Variants in DLC1 observed in about 807,000 individuals in gnomAD.
The protein encoded by DLC1 is DLC1 Rho GTPase activating protein, also known as rho GTPase-activating protein 7.
In DLC1, 54 loss-of-function variants were observed where a neutral mutation model predicts 140.3. The observed-to-expected ratio is 0.38, with a 90% CI of 0.31 to 0.48. DLC1 has a LOEUF of 0.48. DLC1 is among the 20% of genes least tolerant of loss of function. The pLI is 0.96. For synonymous variants in DLC1, 986 were observed against 728.1 expected (o/e 1.35, Z -5.70); for missense variants, 2,536 against 1,907.0 (o/e 1.33, Z -6.14).
chr8:13,350,631 G>A (rs570966676), intron 4 of DLC1, among the ~76,000 whole-genome samples: 18 of 152,038 alleles, frequency 1.2e-4, no homozygotes, highest in Non-Finnish European at 2.2e-4. Flanking sequence ...CAGGAAAATC[G>A]CTTGAACCAG....
chr8:13,565,009 C>T (rs1315407142), intron 1 of DLC1, among the ~76,000 whole-genome samples: 3 of 152,134 alleles, frequency 2.0e-5, no homozygotes. Context: ...CAAAGGAAAA[C>T]TATTACTCTT....
chr8:13,418,713 A>G (rs1838183713), intron 2 of DLC1, among the ~76,000 whole-genome samples: 2 of 152,140 alleles, frequency 1.3e-5, no homozygotes, highest in Admixed American at 6.6e-5. Context: ...TTTTGGTTCC[A>G]TATGAACTTT....
intron 5 of DLC1, among the ~76,000 whole-genome samples, chr8:13,120,435 T>C (rs947766843): frequency 2.0e-5 from 3 of 148,574 alleles, no homozygotes; most frequent in Admixed American, 6.8e-5. Context: ...ATCTAAAATA[T>C]TACTGAAAAC....
chr8:13,380,439 A>G (rs924959592), intron 4 of DLC1, among the ~76,000 whole-genome samples: 1 of 152,196 alleles, frequency 6.6e-6, no homozygotes, highest in Non-Finnish European at 1.5e-5. Flanking sequence ...CCATTGTTTA[A>G]TATTCCCCTT....
At chr8:13,559,750 A>G (rs1264980527) in intron 1 of DLC1, among the ~76,000 whole-genome samples, 1 of 152,190 alleles carries the variant, frequency 6.6e-6, no homozygotes, top group Admixed American at 6.5e-5. Flanking sequence ...GAAAACACAA[A>G]AGTATGTAAC....
chr8:13,313,480 A>G (rs1271503810), intron 4 of DLC1, among the ~76,000 whole-genome samples: 4 of 152,110 alleles, frequency 2.6e-5, no homozygotes, highest in Non-Finnish European at 5.9e-5. Context: ...GAGCTCAGTG[A>G]GATAGGGGTA....
chr8:13,584,932 C>G lies in DLC1; in HGVS notation c.-126+19605G>C, dbSNP rs80228449. On this transcript the variant is annotated intron_variant, in intron 1 of 1. Coordinates refer to the DLC1 transcript ENST00000631382. Reference sequence around the variant, plus strand: ...TCCCCTCTTAATAAATCTCTTACACCTCTAATCCCATTTTAGCTTCTGCAT... The same window carrying G: ...TCCCCTCTTAATAAATCTCTTACACGTCTAATCCCATTTTAGCTTCTGCAT... Among the ~76,000 whole-genome samples the G allele has an allele frequency of 8.0e-3, 1,224 of 152,244 alleles. 19 individuals carry two copies. The highest frequency in any genetic ancestry group is 0.028 in the African/African-American group (1,164 of 41,530).
chr8:13,497,452 T>C (rs1287673424), intron 2 of DLC1, among the ~76,000 whole-genome samples: 2 of 152,210 alleles, frequency 1.3e-5, no homozygotes, highest in Non-Finnish European at 2.9e-5. Context: ...CACAACACTT[T>C]AGAATGACAG....
intron 5 of DLC1, among the ~76,000 whole-genome samples, chr8:13,150,558 G>A (rs761575876): frequency 7.9e-5 from 12 of 152,182 alleles, no homozygotes; most frequent in Non-Finnish European, 1.8e-4. Flanking sequence ...AGAAGCCTGC[G>A]ATGGCTTTAA....
intron 1 of DLC1, among the ~76,000 whole-genome samples, chr8:13,597,281 C>T (rs1438018615): frequency 1.3e-5 from 2 of 151,966 alleles, no homozygotes; most frequent in Non-Finnish European, 2.9e-5. Flanking sequence ...TGACATTGGA[C>T]AATTTTGAAG....
intron 5 of DLC1, among the ~76,000 whole-genome samples, chr8:13,169,080 C>A (rs1185581681): frequency 1.3e-5 from 2 of 152,122 alleles, no homozygotes; most frequent in Non-Finnish European, 2.9e-5. Context: ...TCATCTTCAC[C>A]TTGTTATGGA....
At chr8:13,512,247 A>T (rs535730478) in intron 1 of DLC1, among the ~76,000 whole-genome samples, 9 of 152,230 alleles carry the variant, frequency 5.9e-5, no homozygotes, top group South Asian at 2.1e-4. Flanking sequence ...GGAAAAAAAA[A>T]GTATCGTGAC....
At chr8:13,532,803 A>T (rs1803143393) in intron 1 of DLC1, among the ~76,000 whole-genome samples, 1 of 152,132 alleles carries the variant, frequency 6.6e-6, no homozygotes, top group Non-Finnish European at 1.5e-5. Flanking sequence ...AATACTTCTT[A>T]TTATAATTTC....
At chr8:13,384,823 A>G (rs1393481377) in intron 4 of DLC1, among the ~76,000 whole-genome samples, 1 of 152,198 alleles carries the variant, frequency 6.6e-6, no homozygotes, top group Non-Finnish European at 1.5e-5. Flanking sequence ...AAGAAACCTT[A>G]GAAATGAATG....
chr8:13,367,343 C>T (rs1480377588), intron 4 of DLC1, among the ~76,000 whole-genome samples: 1 of 152,122 alleles, frequency 6.6e-6, no homozygotes, highest in Non-Finnish European at 1.5e-5. Flanking sequence ...GAACTGCTGG[C>T]AGTGATTCTA....
rs139326076 is a variant in DLC1, at chr8:13,197,231, C to T, written c.1349-81574G>A. Among the ~76,000 whole-genome samples the T allele has an allele frequency of 3.7e-3, 558 of 152,316 alleles. 6 individuals are homozygous for T. The highest frequency in any genetic ancestry group is 0.014 in the Middle Eastern group (4 of 294). On this transcript the variant is annotated intron_variant, in intron 5 of 17. Transcript: ENST00000276297. ...AATCTTAAAATGTTCAACTTATTTG[C>T]TCTTGGCTAGAATTATATCAACATA...
chr8:13,261,318 T>A lies in DLC1; in HGVS notation c.1348+43951A>T, dbSNP rs116900298. Among the ~76,000 whole-genome samples the A allele has an allele frequency of 1.5e-3, 227 of 152,118 alleles. 2 individuals are homozygous for A. The highest frequency in any genetic ancestry group is 0.01 in the Middle Eastern group (3 of 294). On this transcript the variant is annotated intron_variant, in intron 5 of 17. Transcript: ENST00000276297. ...ATTTTTCAAGATGAGGGAACAGCAA[T>A]TGTCATGAACAGCAAAGAGGCCAGA... is the stretch of plus-strand genomic sequence containing the variant.
intron 2 of DLC1, among the ~76,000 whole-genome samples, chr8:13,493,945 A>G (rs1801380645): frequency 6.6e-6 from 1 of 152,202 alleles, no homozygotes; most frequent in Non-Finnish European, 1.5e-5. Flanking sequence ...AGGAGAAAAT[A>G]TTTGATTTTT....
chr8:13,090,192 C>G (rs765668878), intron 15 of DLC1, 60 bp downstream of exon 15: 18 of 1,519,868 alleles, frequency 1.2e-5, no homozygotes, highest in African/African-American at 2.9e-5. Context: ...CGTGTTATCT[C>G]TGATGGACCC....
Sources: allele counts gnomAD v4.1 joint callset (sites outside exome capture counted in the v4.1 genomes callset), GRCh38; gene constraint gnomAD v4.1.1; transcripts MANE v1.5; gene names NCBI Gene and HGNC (gene_info 2026-07-23, HGNC 2026-07-21).